WWOX: variants seen among roughly 807,000 people sequenced by gnomAD.
The protein encoded by WWOX is WW domain containing oxidoreductase, also known as WW domain-containing oxidoreductase.
In WWOX, 69 loss-of-function variants were observed where a neutral mutation model predicts 46.2. The observed-to-expected ratio is 1.49, with a 90% CI of 1.23 to 1.82. The LOEUF is 1.82. Ranked by LOEUF, WWOX falls within the 40% of genes most tolerant of loss-of-function variation. The pLI, the probability that WWOX is intolerant of heterozygous loss-of-function variation, is 0.00. For synonymous variants in WWOX, 359 were observed against 202.6 expected, an observed-to-expected ratio of 1.77 and a Z score of -6.56; for missense variants, 919 against 542.6, an observed-to-expected ratio of 1.69 and a Z score of -6.89.
At chr16:78,569,706 TAAC>T (rs1353498031) in intron 8 of WWOX, among the ~76,000 whole-genome samples, 13 of 152,234 alleles carry the variant, frequency 8.5e-5, no homozygotes, top group Non-Finnish European at 1.8e-4. Flanking sequence ...CTTCCTGCAA[TAAC>T]GATACTAATT....
intron 8 of WWOX, among the ~76,000 whole-genome samples, chr16:78,955,297 C>T (rs1455783789): frequency 6.6e-6 from 1 of 152,190 alleles, no homozygotes; most frequent in Non-Finnish European, 1.5e-5. Context: ...AATAGATATT[C>T]TCCACAGCTG....
intron 8 of WWOX, among the ~76,000 whole-genome samples, chr16:78,900,107 C>G (rs936029103): frequency 1.9e-4 from 20 of 103,760 alleles, no homozygotes; most frequent in African/African-American, 6.8e-4. Context: ...TGCTCCTTCT[C>G]TATTTTATTT....
At chr16:79,045,193 A>G (rs1039810662) in intron 8 of WWOX, among the ~76,000 whole-genome samples, 1 of 152,242 alleles carries the variant, frequency 6.6e-6, no homozygotes, top group Non-Finnish European at 1.5e-5. Flanking sequence ...CAAATTATGC[A>G]TTAGAACCAA....
intron 5 of WWOX, among the ~76,000 whole-genome samples, chr16:78,355,234 TCC>T (rs1213302290): frequency 5.8e-5 from 3 of 51,618 alleles, no homozygotes; most frequent in Admixed American, 5.5e-4. Context: ...AAGTCATTGC[TCC>T]TGTGTGTGTG....
At chr16:78,312,608 G>A (rs2151876137) in intron 5 of WWOX, among the ~76,000 whole-genome samples, 1 of 152,158 alleles carries the variant, frequency 6.6e-6, no homozygotes, top group African/African-American at 2.4e-5. Flanking sequence ...CTCCTGACCT[G>A]AGGTGATCCA....
intron 8 of WWOX, among the ~76,000 whole-genome samples, chr16:78,922,780 A>G (rs965982400): frequency 1.3e-5 from 2 of 152,220 alleles, no homozygotes; most frequent in Non-Finnish European, 1.5e-5. Context: ...CACTCAAACC[A>G]TAAAGCTCAG....
At chr16:78,383,396 A>C (rs2081995751) in intron 5 of WWOX, among the ~76,000 whole-genome samples, 1 of 152,136 alleles carries the variant, frequency 6.6e-6, no homozygotes, top group Non-Finnish European at 1.5e-5. Flanking sequence ...TTTCAAATAA[A>C]AGTTAACAAC....
intron 8 of WWOX, among the ~76,000 whole-genome samples, chr16:79,035,610 G>C (rs1435685742): frequency 1.3e-5 from 2 of 152,096 alleles, no homozygotes; most frequent in Non-Finnish European, 2.9e-5. Context: ...TGGGATCTTG[G>C]CTCACTGCAA....
chr16:78,973,182 A>G (rs1268846828), intron 8 of WWOX, among the ~76,000 whole-genome samples: 3 of 152,254 alleles, frequency 2.0e-5, no homozygotes, highest in East Asian at 3.9e-4. Context: ...AAGGAGTGAA[A>G]TCCTAAGAAA....
intron 8 of WWOX, among the ~76,000 whole-genome samples, chr16:79,181,494 C>T (rs916156166): frequency 6.6e-6 from 1 of 151,804 alleles, no homozygotes. Flanking sequence ...AATTTTGTAT[C>T]CTGTGGTTTT....
rs529437375 is a variant in WWOX at position 78,469,589 on chromosome 16, A to G, written c.1056+36837A>G. Among the ~76,000 whole-genome samples, 5 of 152,352 alleles carry G rather than the reference A, an allele frequency of 3.3e-5. No homozygotes were observed. In the South Asian group the frequency reaches 1.0e-3, roughly 32 times the overall value. On this transcript the variant is annotated intron_variant, in intron 8 of 8. Coordinates refer to ENST00000566780, the MANE Select transcript of WWOX (RefSeq NM_016373.4). ...CTTTTGGATAAAAGGGGTCTAGTTA[A>G]GAGATGTTAAAAAAACAAACTTGAA... is the stretch of plus-strand genomic sequence containing the variant.
intron 8 of WWOX, among the ~76,000 whole-genome samples, chr16:78,594,488 C>T (rs1415674289): frequency 7.3e-6 from 1 of 137,900 alleles, no homozygotes; most frequent in African/African-American, 2.7e-5. Flanking sequence ...TGCCAGCTGG[C>T]ACACAGCTTC....
At chr16:79,006,146 C>G (rs914424612) in intron 8 of WWOX, among the ~76,000 whole-genome samples, 1 of 152,156 alleles carries the variant, frequency 6.6e-6, no homozygotes, top group South Asian at 2.1e-4. Context: ...AGACAATGAG[C>G]GCTGAGATTG....
intron 8 of WWOX, among the ~76,000 whole-genome samples, chr16:78,952,586 G>A (rs1205519669): frequency 6.6e-6 from 1 of 152,038 alleles, no homozygotes; most frequent in African/African-American, 2.4e-5. Context: ...TTTCTGCCAT[G>A]TTGGCCAGCC....
chr16:78,718,743 G>T (rs7189367), intron 8 of WWOX, among the ~76,000 whole-genome samples: 103,998 of 151,824 alleles, frequency 0.68, 37,105 homozygotes, highest in African/African-American at 0.9. Flanking sequence ...TCTGAAGGAT[G>T]TTTTTTTAAA....
intron 8 of WWOX, among the ~76,000 whole-genome samples, chr16:78,858,559 A>G (rs760742917): frequency 6.6e-6 from 1 of 152,168 alleles, no homozygotes; most frequent in Non-Finnish European, 1.5e-5. Flanking sequence ...GTAATTATAA[A>G]TAGTGGTAGA....
intron 5 of WWOX, among the ~76,000 whole-genome samples, chr16:78,369,101 A>G (rs550021050): frequency 1.6e-4 from 23 of 142,684 alleles, no homozygotes; most frequent in African/African-American, 6.0e-4. Flanking sequence ...TTGTTTTCTC[A>G]TTGAACTTGT....
At chr16:78,844,170 G>C (rs1025224246) in intron 8 of WWOX, among the ~76,000 whole-genome samples, 1 of 152,136 alleles carries the variant, frequency 6.6e-6, no homozygotes, top group African/African-American at 2.4e-5. Flanking sequence ...AAAACTGTAA[G>C]TGATTCCCCA....
intron 8 of WWOX, among the ~76,000 whole-genome samples, chr16:78,675,811 T>C (rs2047584119): frequency 6.6e-6 from 1 of 152,116 alleles, no homozygotes; most frequent in South Asian, 2.1e-4. Context: ...TTGTCTGTAC[T>C]AAAAAATTAT....
Sources: allele counts gnomAD v4.1 joint callset (sites outside exome capture counted in the v4.1 genomes callset), GRCh38; gene constraint gnomAD v4.1.1; transcripts MANE v1.5; gene names NCBI Gene and HGNC (gene_info 2026-07-23, HGNC 2026-07-21).